The following RCOR3 variants were observed in gnomAD, a reference collection of about 807,000 sequenced individuals.
RCOR3 encodes REST corepressor 3.
Under a neutral mutation model 64.1 loss-of-function variants are expected in RCOR3, and 13 were observed. That is an observed-to-expected ratio of 0.20 (90% CI 0.13 to 0.32). The LOEUF is 0.32. Among genes scored for constraint, RCOR3 ranks in the 10% least tolerant of loss-of-function variants. The pLI, the probability that RCOR3 is intolerant of heterozygous loss-of-function variation, is 1.00. For synonymous variants in RCOR3, 215 were observed against 239.0 expected (o/e 0.90, Z 0.93); for missense variants, 489 against 701.2 (o/e 0.70, Z 3.42).
rs1431974952 is a variant in RCOR3, at chr1:211,312,322, G to C, written c.1076-398G>C. 4.4e-6 allele frequency: 2 copies of C among 458,814 alleles called. No homozygotes were observed. The highest frequency in any genetic ancestry group is 1.4e-4 in the East Asian group (2 of 14,508). 28.4% of individuals were successfully genotyped at this position (458,814 alleles called of 1,614,324 possible). A position where few individuals can be genotyped will look rare whatever the true frequency, so the allele number is the denominator to read the frequency against. The stretch of plus-strand genomic sequence containing the variant: ...AAGAGAGATGGCTCATTCCCATCCA[G>C]TTTTGTTTACAAACGATGTTGCTCA... On this transcript the variant is annotated intron_variant, in intron 10 of 11. Coordinates refer to ENST00000419091, the MANE Select transcript of RCOR3 (RefSeq NM_001136223.3). The surrounding 1 kb of genome is among the most constrained non-coding windows in gnomAD (Gnocchi z 5.0).
intron 2 of RCOR3, among the ~76,000 whole-genome samples, chr1:211,264,514 T>C (rs1313192875): frequency 2.2e-5 from 3 of 136,620 alleles, no homozygotes; most frequent in Admixed American, 2.2e-4. Context: ...GGACCCTGTC[T>C]CCACAAAAAA....
At chr1:211,309,057 C>A in intron 10 of RCOR3, among the ~76,000 whole-genome samples, 2 of 131,810 alleles carry the variant, frequency 1.5e-5, no homozygotes, top group African/African-American at 2.9e-5. Context: ...CCAAAGGTAG[C>A]TATCCATGCT....
intron 9 of RCOR3, among the ~76,000 whole-genome samples, chr1:211,297,094 A>T (rs1483771611): frequency 1.3e-5 from 2 of 152,156 alleles, no homozygotes; most frequent in Admixed American, 6.5e-5. Flanking sequence ...AAACGAAAGA[A>T]TAATTAACAT....
intron 3 of RCOR3, among the ~76,000 whole-genome samples, chr1:211,273,987 G>A (rs1696607778): frequency 6.6e-6 from 1 of 152,108 alleles, no homozygotes; most frequent in Non-Finnish European, 1.5e-5. Flanking sequence ...AGTATAATGT[G>A]TAGTCGTAGA....
intron 7 of RCOR3, among the ~76,000 whole-genome samples, chr1:211,287,128 C>G (rs1017579149): frequency 6.6e-5 from 10 of 152,130 alleles, no homozygotes; most frequent in African/African-American, 2.4e-4. Flanking sequence ...GGCCCTAAAC[C>G]TGCCTGAATG....
intron 10 of RCOR3, among the ~76,000 whole-genome samples, chr1:211,305,294 A>G (rs1326444274): frequency 6.6e-6 from 1 of 152,222 alleles, no homozygotes; most frequent in African/African-American, 2.4e-5. Flanking sequence ...CTGGATGTGC[A>G]TTGGGCACAT....
intron 5 of RCOR3, among the ~76,000 whole-genome samples, chr1:211,277,883 T>A (rs1185091304): frequency 6.6e-6 from 1 of 152,180 alleles, no homozygotes; most frequent in Non-Finnish European, 1.5e-5. Flanking sequence ...CTCACCAGAT[T>A]AGTTTGTGAC....
chr1:211,260,215 T>A, intron 2 of RCOR3, 51 bp downstream of exon 2: 1 of 1,569,666 alleles, frequency 6.4e-7, no homozygotes, highest in Non-Finnish European at 8.8e-7. Context: ...CTGGGCTTGG[T>A]TTGGGGTGGA....
At position 211,315,271 on chromosome 1, in the gene RCOR3, G is replaced by A. The variant is rs985737452; in HGVS notation, c.*1503G>A. The stretch of plus-strand genomic sequence containing the variant: ...GTCAACATCTAAGGCCCTAATTTAT[G>A]TTTTGAAAGATCATGTGTTCCCAAA... On this transcript the variant is annotated 3_prime_UTR_variant, in exon 12 of 12. Coordinates refer to ENST00000419091, the MANE Select transcript of RCOR3 (RefSeq NM_001136223.3). 6.6e-6 allele frequency: 1 copy of A among 152,170 alleles called. No homozygotes were observed. Among genetic ancestry groups the A allele is most frequent in the Non-Finnish European group, 1.5e-5 (1 of 68,002 alleles). 9.4% of individuals were successfully genotyped at this position (152,170 alleles called of 1,614,324 possible).
chr1:211,278,702 C>G (rs1391840487), intron 6 of RCOR3, among the ~76,000 whole-genome samples: 6 of 152,058 alleles, frequency 3.9e-5, no homozygotes, highest in Admixed American at 1.3e-4. Flanking sequence ...CCCACTGGGT[C>G]TCTGTTTTTG....
chr1:211,273,514 G>C (rs575614698), intron 3 of RCOR3, among the ~76,000 whole-genome samples: 2 of 152,324 alleles, frequency 1.3e-5, no homozygotes, highest in East Asian at 3.9e-4. Flanking sequence ...TGATTATATG[G>C]AGTTCACATA....
intron 7 of RCOR3, among the ~76,000 whole-genome samples, chr1:211,288,951 A>G (rs1698909906): frequency 6.6e-6 from 1 of 152,130 alleles, no homozygotes; most frequent in South Asian, 2.1e-4. Flanking sequence ...AAAATCAAAC[A>G]TTTGATTGAG....
At chr1:211,259,937 C>A in intron 1 of RCOR3, 171 bp from the exon 2 acceptor site, 1 of 1,229,184 alleles carries the variant, frequency 8.1e-7, no homozygotes, top group Non-Finnish European at 1.1e-6. Flanking sequence ...CCCCCCCGCT[C>A]CCCGCCCCCA....
rs946646952 is a variant in RCOR3, at chr1:211,259,483, GC to G, written c.-75del. The G allele has an allele frequency of 7.9e-6, 11 of 1,391,616 alleles. No homozygotes were observed. The highest frequency in any genetic ancestry group is 4.6e-5 in the African/African-American group (3 of 65,920). The allele number at this position is 1,391,616 out of a possible 1,614,324, so 86.2% of individuals were successfully genotyped here. A position where few individuals can be genotyped will look rare whatever the true frequency, so the allele number is the denominator to read the frequency against. ...TCCTCCTCCTCCTCCTTTCCCTCCCGCCCGCGCTCTAAGCCATCTCCGCCTT... is the reference window on the plus strand; with the variant it reads ...TCCTCCTCCTCCTCCTTTCCCTCCCGCCGCGCTCTAAGCCATCTCCGCCTT... On this transcript the variant is annotated 5_prime_UTR_variant, in exon 1 of 12. Transcript: ENST00000419091.
At chr1:211,310,020 C>CT (rs1701324725) in intron 10 of RCOR3, among the ~76,000 whole-genome samples, 1 of 152,174 alleles carries the variant, frequency 6.6e-6, no homozygotes, top group Non-Finnish European at 1.5e-5. Context: ...CCATATATAT[C>CT]TAATACCTCC....
At chr1:211,307,361 C>T (rs2102656647) in intron 10 of RCOR3, among the ~76,000 whole-genome samples, 1 of 152,008 alleles carries the variant, frequency 6.6e-6, no homozygotes, top group Middle Eastern at 3.4e-3. Flanking sequence ...TGGTGGTGCA[C>T]ACGTGTAGTC....
intron 10 of RCOR3, among the ~76,000 whole-genome samples, chr1:211,311,450 A>T (rs1187341778): frequency 1.3e-5 from 2 of 152,188 alleles, no homozygotes; most frequent in African/African-American, 4.8e-5. Flanking sequence ...AGCTAGTTTA[A>T]TGTAGTCAGA....
At chr1:211,300,071 C>A (rs79650790) in intron 9 of RCOR3, among the ~76,000 whole-genome samples, 3 of 121,280 alleles carry the variant, frequency 2.5e-5, no homozygotes, top group African/African-American at 8.9e-5. Flanking sequence ...TTCTTTCTTT[C>A]TTTTTTTTTT....
chr1:211,288,503 T>A (rs567369902), intron 7 of RCOR3, among the ~76,000 whole-genome samples: 27 of 16,878 alleles, frequency 1.6e-3, no homozygotes, highest in African/African-American at 3.0e-3. Context: ...TTATAAATTA[T>A]TTTATAAATA....
Sources: gnomAD v4.1 joint callset for allele counts (sites outside exome capture counted in the v4.1 genomes callset) on GRCh38, gnomAD v4.1.1 for gene constraint, Gnocchi (gnomAD v3.1) non-coding constraint, MANE v1.5 for transcripts, NCBI Gene and HGNC (gene_info 2026-07-23, HGNC 2026-07-21) for gene names.